Variants in NWD2 observed in about 807,000 individuals in gnomAD.
NWD2 encodes the protein NACHT and WD repeat domain containing 2.
In NWD2, 37 loss-of-function variants were observed where a neutral mutation model predicts 132.7. That is an observed-to-expected ratio of 0.28 (90% CI 0.21 to 0.37). The LOEUF is 0.37. Ranked by LOEUF, NWD2 falls within the 10% of genes least tolerant of loss-of-function variation. The probability of loss-of-function intolerance (pLI) is 1.00; values close to 1 mark genes in which losing one functional copy is unlikely to be tolerated. For missense variants in NWD2, 1,592 were observed against 2,122.4 expected, an observed-to-expected ratio of 0.75 and a Z score of 4.91; for synonymous variants, 705 against 803.0, an observed-to-expected ratio of 0.88 and a Z score of 2.06.
chr4:37,427,584 T>C lies in NWD2; in HGVS notation c.358-2988T>C, dbSNP rs577088417. ...TGGGTTGGGATTAGCACACCCTCTGTAGAAGCCTCATATACCATGCTGAAA... is the reference window on the plus strand; with the variant it reads ...TGGGTTGGGATTAGCACACCCTCTGCAGAAGCCTCATATACCATGCTGAAA... On this transcript the variant is annotated intron_variant, in intron 3 of 6. Transcript: ENST00000309447. 2.0e-5 allele frequency among the ~76,000 whole-genome samples: 3 copies of C among 152,314 alleles called. No homozygotes were observed. The East Asian group carries it at 5.8e-4, about 29-fold the overall frequency.
intron 3 of NWD2, among the ~76,000 whole-genome samples, chr4:37,358,298 G>A (rs1719910606): frequency 6.6e-6 from 1 of 152,038 alleles, no homozygotes; most frequent in Non-Finnish European, 1.5e-5. Flanking sequence ...AACAGAGCAG[G>A]CAGACCTTTA....
chr4:37,254,286 T>C (rs1577645126), intron 1 of NWD2, among the ~76,000 whole-genome samples: 1 of 152,332 alleles, frequency 6.6e-6, no homozygotes, highest in Admixed American at 6.5e-5. Flanking sequence ...GCAATATGTA[T>C]TTCACTGATA....
At position 37,448,650 on chromosome 4, in the gene NWD2, A is replaced by G. The variant is rs1177345612; in HGVS notation, c.*1433A>G. ...AGTAGAGAAGTAACACTTTACTAGA[A>G]TAATGAACAAGGAATTGATTTGCTC... On this transcript the variant is annotated 3_prime_UTR_variant, in exon 7 of 7. Coordinates refer to ENST00000309447, the MANE Select transcript of NWD2 (RefSeq NM_001144990.2). 6.6e-6 allele frequency: 1 copy of G among 152,216 alleles called. No individual in the cohort carries two copies. Among genetic ancestry groups the G allele is most frequent in the Non-Finnish European group, 1.5e-5 (1 of 68,036 alleles). 9.4% of individuals were successfully genotyped at this position (152,216 alleles called of 1,614,324 possible).
intron 1 of NWD2, among the ~76,000 whole-genome samples, chr4:37,303,767 A>G (rs1656229): frequency 0.073 from 11,108 of 152,112 alleles, 1,248 homozygotes; most frequent in African/African-American, 0.24. Context: ...ACTGATTTTT[A>G]TATGTTGATT....
intron 1 of NWD2, among the ~76,000 whole-genome samples, chr4:37,294,654 A>G (rs965757156): frequency 3.3e-5 from 5 of 152,224 alleles, no homozygotes; most frequent in Non-Finnish European, 7.3e-5. Context: ...TTGGAAAACA[A>G]AAAACCTTAA....
intron 1 of NWD2, among the ~76,000 whole-genome samples, chr4:37,298,751 A>G (rs572499274): frequency 2.1e-4 from 32 of 152,280 alleles, no homozygotes; most frequent in African/African-American, 7.0e-4. Flanking sequence ...GCCTTAAACT[A>G]TTTCCTCACA....
chr4:37,321,075 T>C (rs1277539378), intron 1 of NWD2, among the ~76,000 whole-genome samples: 2 of 152,044 alleles, frequency 1.3e-5, no homozygotes, highest in Non-Finnish European at 2.9e-5. Flanking sequence ...GAAAATTGCT[T>C]GAACCTGGGA....
At chr4:37,287,949 G>A (rs1466362444) in intron 1 of NWD2, among the ~76,000 whole-genome samples, 2 of 152,288 alleles carry the variant, frequency 1.3e-5, no homozygotes, top group East Asian at 1.9e-4. Context: ...AGAAAATGCG[G>A]TACATATAGA....
chr4:37,275,591 G>A (rs545742605), intron 1 of NWD2, among the ~76,000 whole-genome samples: 12 of 152,150 alleles, frequency 7.9e-5, no homozygotes, highest in South Asian at 2.1e-4. Context: ...AAGTTCATAT[G>A]GAATCAAAAA....
chr4:37,302,764 T>C (rs1014703588), intron 1 of NWD2, among the ~76,000 whole-genome samples: 1 of 152,182 alleles, frequency 6.6e-6, no homozygotes, highest in Admixed American at 6.5e-5. Flanking sequence ...ATATCTTCTT[T>C]TGAGAAATGT....
intron 2 of NWD2, among the ~76,000 whole-genome samples, chr4:37,331,711 G>A (rs55699407): frequency 0.19 from 28,491 of 152,132 alleles, 2,777 homozygotes; most frequent in South Asian, 0.32. Context: ...AAAATAGCAT[G>A]AGAACCAAAA....
At chr4:37,348,410 C>G (rs1488149093) in intron 2 of NWD2, among the ~76,000 whole-genome samples, 2 of 151,470 alleles carry the variant, frequency 1.3e-5, no homozygotes, top group Non-Finnish European at 2.9e-5. Flanking sequence ...TCCTTCTGTC[C>G]CAGAGGCATG....
intron 1 of NWD2, among the ~76,000 whole-genome samples, chr4:37,289,903 T>C (rs1310073641): frequency 6.6e-6 from 1 of 150,456 alleles, no homozygotes; most frequent in Admixed American, 6.6e-5. Context: ...TTTTCCGGAG[T>C]TGTTGGTTAG....
intron 1 of NWD2, among the ~76,000 whole-genome samples, chr4:37,273,709 G>A (rs183088068): frequency 1.3e-4 from 19 of 151,900 alleles, no homozygotes; most frequent in East Asian, 9.7e-4. Flanking sequence ...AATGTAAAAG[G>A]ACAGAAATTA....
chr4:37,446,170 A>G lies in NWD2; in HGVS notation c.4182A>G (p.Arg1394=). The G allele has an allele frequency of 6.4e-7, 1 of 1,551,710 alleles. No homozygotes were observed. Among genetic ancestry groups the G allele is most frequent in the Non-Finnish European group, 8.7e-7 (1 of 1,147,000 alleles). Residue 1394 remains arginine, a synonymous_variant, in exon 7 of 7, where the codon CGA becomes CGG. Transcript: ENST00000309447. This position sits in a 1 kb window ranked among gnomAD's most constrained non-coding sequence, Gnocchi z 6.7. ...WHTSSGENLF[R]INGQRISQLL... The stretch of plus-strand genomic sequence containing the variant: ...CCAGCAGTGGTGAAAACCTTTTTCG[A>G]ATTAACGGGCAGAGAATATCTCAGC...
At chr4:37,330,064 A>ATCAAT (rs1719260409) in intron 2 of NWD2, among the ~76,000 whole-genome samples, 1 of 152,236 alleles carries the variant, frequency 6.6e-6, no homozygotes, top group Admixed American at 6.5e-5. Context: ...TTAATAGAAT[A>ATCAAT]TCAATTAAAT....
chr4:37,345,514 T>A (rs1719616389), intron 2 of NWD2, among the ~76,000 whole-genome samples: 1 of 152,208 alleles, frequency 6.6e-6, no homozygotes, highest in African/African-American at 2.4e-5. Flanking sequence ...TGAAGAAATG[T>A]CTACTCAGAT....
intron 3 of NWD2, among the ~76,000 whole-genome samples, chr4:37,365,969 A>T (rs1314578247): frequency 2.0e-5 from 3 of 152,222 alleles, no homozygotes; most frequent in African/African-American, 4.8e-5. Flanking sequence ...ACAACTTTTT[A>T]AAAAGGTAAA....
chr4:37,374,825 A>G (rs1720311185), intron 3 of NWD2, among the ~76,000 whole-genome samples: 1 of 152,258 alleles, frequency 6.6e-6, no homozygotes, highest in Non-Finnish European at 1.5e-5. Flanking sequence ...ATAGTATTTT[A>G]TAAACATTAC....
Sources: allele counts gnomAD v4.1 joint callset (sites outside exome capture counted in the v4.1 genomes callset), GRCh38; gene constraint gnomAD v4.1.1; non-coding constraint Gnocchi (gnomAD v3.1); transcripts MANE v1.5; gene names NCBI Gene and HGNC (gene_info 2026-07-23, HGNC 2026-07-21).